Variants in IQCJ observed in about 807,000 individuals in gnomAD.
IQCJ encodes the protein IQ domain-containing protein J.
IQCJ carries 9 observed loss-of-function variants against 11.0 expected under a neutral mutation model. That is an observed-to-expected ratio of 0.82 (90% CI 0.49 to 1.43). The LOEUF is 1.43. Ranked by LOEUF, IQCJ falls within the 40% of genes most tolerant of loss-of-function variation. The probability of loss-of-function intolerance (pLI) is 0.00; values close to 1 mark genes in which losing one functional copy is unlikely to be tolerated. For synonymous variants in IQCJ, 55 were observed against 51.3 expected (o/e 1.07, Z -0.31); for missense variants, 146 against 133.2 (o/e 1.10, Z -0.47).
At chr3:159,201,720 C>T (rs953682038) in intron 1 of IQCJ, among the ~76,000 whole-genome samples, 5 of 146,362 alleles carry the variant, frequency 3.4e-5, no homozygotes, top group African/African-American at 7.6e-5. Flanking sequence ...CTGCAAGCTC[C>T]GCCTCCCGGG....
intron 1 of IQCJ, among the ~76,000 whole-genome samples, chr3:159,107,608 C>T (rs1718344315): frequency 6.6e-6 from 1 of 152,116 alleles, no homozygotes; most frequent in Admixed American, 6.6e-5. Context: ...TCTGATAATA[C>T]TATTAATAAT....
In IQCJ at chr3:159,093,821, A is replaced by T. The variant is rs550733103; in HGVS notation, c.9+24380A>T. On this transcript the variant is annotated intron_variant, in intron 1 of 3. Transcript: ENST00000397832. ...AGAACAAAGGGAGAAAAAGCCCTTT[A>T]TAAAACCATCAGATCTCCTGAGAAC... 2.0e-5 allele frequency among the ~76,000 whole-genome samples: 3 copies of T among 151,970 alleles called. No individual in the cohort carries two copies. The East Asian group carries it at 5.8e-4, about 29-fold the overall frequency.
At chr3:159,077,110 GT>G (rs1389086353) in intron 1 of IQCJ, among the ~76,000 whole-genome samples, 2 of 152,042 alleles carry the variant, frequency 1.3e-5, no homozygotes, top group Admixed American at 1.3e-4. Flanking sequence ...CCAGTTTCTT[GT>G]TATCTAAGAC....
chr3:159,111,325 A>G (rs915728506), intron 1 of IQCJ, among the ~76,000 whole-genome samples: 1 of 152,192 alleles, frequency 6.6e-6, no homozygotes, highest in Non-Finnish European at 1.5e-5. Flanking sequence ...CTTGAGTCAT[A>G]TCATATTGAA....
At chr3:159,131,514 G>A (rs1343290982) in intron 1 of IQCJ, among the ~76,000 whole-genome samples, 1 of 152,124 alleles carries the variant, frequency 6.6e-6, no homozygotes, top group Non-Finnish European at 1.5e-5. Flanking sequence ...TATCTGGCAA[G>A]GATTGTGCCC....
At chr3:159,117,314 T>C (rs1483669221) in intron 1 of IQCJ, among the ~76,000 whole-genome samples, 9 of 152,192 alleles carry the variant, frequency 5.9e-5, no homozygotes, top group Non-Finnish European at 4.4e-5. Flanking sequence ...GCCGGGCAAC[T>C]ACTAGTTGTG....
At chr3:159,085,400 C>T (rs1341643427) in intron 1 of IQCJ, among the ~76,000 whole-genome samples, 1 of 152,102 alleles carries the variant, frequency 6.6e-6, no homozygotes, top group Non-Finnish European at 1.5e-5. Flanking sequence ...GTCTTTAAAG[C>T]AGCATGATTT....
intron 1 of IQCJ, among the ~76,000 whole-genome samples, chr3:159,142,419 CT>C (rs200413022): frequency 1.5e-5 from 2 of 129,884 alleles, no homozygotes; most frequent in African/African-American, 5.4e-5. Context: ...AGGGGCAGGT[CT>C]TTTCCCCCCC....
At chr3:159,118,235 G>C (rs58005021) in intron 1 of IQCJ, among the ~76,000 whole-genome samples, 1,562 of 152,216 alleles carry the variant, frequency 0.01, 31 homozygotes, top group African/African-American at 0.036. Flanking sequence ...TGTTGGAGGG[G>C]AGAAGGGAGA....
In IQCJ at chr3:159,170,738, G is replaced by T. The variant is rs867566465; in HGVS notation, c.10-75105G>T. On this transcript the variant is annotated intron_variant, in intron 1 of 3. Coordinates refer to ENST00000397832, the MANE Select transcript of IQCJ (RefSeq NM_001042706.3). ...ATGTGCTATGGCCAGTCTTTGCCACGGGCAACAAAAGTGGGAAACTTCAGC... is the reference window on the plus strand; with the variant it reads ...ATGTGCTATGGCCAGTCTTTGCCACTGGCAACAAAAGTGGGAAACTTCAGC... Among the ~76,000 whole-genome samples, 3 of 151,606 alleles carry T rather than the reference G, an allele frequency of 2.0e-5. No homozygotes were observed. In the East Asian group the frequency reaches 5.8e-4, roughly 29 times the overall value.
intron 1 of IQCJ, among the ~76,000 whole-genome samples, chr3:159,157,874 A>T (rs1243512474): frequency 6.6e-6 from 1 of 152,108 alleles, no homozygotes; most frequent in Non-Finnish European, 1.5e-5. Flanking sequence ...GTGCAGAGGG[A>T]GCTTCCTTAT....
intron 1 of IQCJ, among the ~76,000 whole-genome samples, chr3:159,092,796 A>AT (rs11345482): frequency 0.042 from 6,252 of 147,170 alleles, 523 homozygotes; most frequent in African/African-American, 0.15. Context: ...TGAATTAACT[A>AT]TTTTTTTTTT....
intron 1 of IQCJ, among the ~76,000 whole-genome samples, chr3:159,232,201 T>C (rs1726297130): frequency 6.6e-6 from 1 of 152,092 alleles, no homozygotes; most frequent in African/African-American, 2.4e-5. Context: ...CTCTCGCTTT[T>C]CTTGTTTTAA....
chr3:159,153,285 G>T (rs13314232), intron 1 of IQCJ, among the ~76,000 whole-genome samples: 59,882 of 151,904 alleles, frequency 0.39, 12,760 homozygotes, highest in South Asian at 0.57. Flanking sequence ...TTTCCTGTAG[G>T]AGCTCTGTTA....
intron 1 of IQCJ, among the ~76,000 whole-genome samples, chr3:159,203,257 T>A (rs1010612057): frequency 3.4e-5 from 5 of 148,306 alleles, no homozygotes; most frequent in Admixed American, 2.0e-4. Context: ...GAGCATGGAT[T>A]TGAGCATGTC....
intron 1 of IQCJ, among the ~76,000 whole-genome samples, chr3:159,236,015 A>G (rs1201236935): frequency 6.6e-6 from 1 of 152,186 alleles, no homozygotes; most frequent in African/African-American, 2.4e-5. Flanking sequence ...CTCGTTGGAC[A>G]TTCAAAATGT....
chr3:159,214,253 G>A (rs1444977571), intron 1 of IQCJ, among the ~76,000 whole-genome samples: 1 of 152,028 alleles, frequency 6.6e-6, no homozygotes, highest in African/African-American at 2.4e-5. Context: ...TCCGTTAATG[G>A]AGTAAAGAAG....
At chr3:159,231,645 A>C (rs537165708) in intron 1 of IQCJ, among the ~76,000 whole-genome samples, 19 of 152,308 alleles carry the variant, frequency 1.2e-4, no homozygotes, top group Middle Eastern at 3.4e-3. Context: ...CTGGCCTCAT[A>C]AAATGAGTTA....
intron 1 of IQCJ, among the ~76,000 whole-genome samples, chr3:159,195,746 G>A (rs1033883006): frequency 3.3e-5 from 5 of 152,264 alleles, no homozygotes; most frequent in South Asian, 2.1e-4. Context: ...TATCACCCCC[G>A]TAGTGCAATT....
Sources: allele counts gnomAD v4.1 joint callset (sites outside exome capture counted in the v4.1 genomes callset), GRCh38; gene constraint gnomAD v4.1.1; transcripts MANE v1.5; gene names NCBI Gene and HGNC (gene_info 2026-07-23, HGNC 2026-07-21).